The following ULK4 variants were observed in gnomAD, a reference collection of about 807,000 sequenced individuals.
The protein encoded by ULK4 is inactive serine/threonine-protein kinase ULK4.
Under a neutral mutation model 160.6 loss-of-function variants are expected in ULK4, and 133 were observed. The observed-to-expected ratio is 0.83, with a 90% CI of 0.72 to 0.96. ULK4 has a LOEUF of 0.96. Ranked by LOEUF, ULK4 falls within the 40% of genes least tolerant of loss-of-function variation. ULK4 has a pLI of 0.00. For missense variants in ULK4, 1,580 were observed against 1,499.5 expected (o/e 1.05, Z -0.89); for synonymous variants, 534 against 539.8 (o/e 0.99, Z 0.15).
chr3:41,908,673 C>T (rs13076820), intron 11 of ULK4, among the ~76,000 whole-genome samples: 123,671 of 151,954 alleles, frequency 0.81, 54,666 homozygotes, highest in Non-Finnish European at 0.98. Flanking sequence ...CTGGAACTCC[C>T]GACCTCATGA....
chr3:41,878,692 AAAAAG>A (rs956943147), intron 17 of ULK4, among the ~76,000 whole-genome samples: 1 of 151,422 alleles, frequency 6.6e-6, no homozygotes, highest in African/African-American at 2.4e-5. Flanking sequence ...AAAAAAAAAA[AAAAAG>A]AGTGAGGAGT....
At chr3:41,826,268 A>C (rs2041348258) in intron 18 of ULK4, among the ~76,000 whole-genome samples, 1 of 152,152 alleles carries the variant, frequency 6.6e-6, no homozygotes, top group Non-Finnish European at 1.5e-5. Flanking sequence ...CAAAATAACC[A>C]GCTAACATCA....
intron 3 of ULK4, among the ~76,000 whole-genome samples, chr3:41,936,445 A>C (rs1472330698): frequency 2.0e-5 from 3 of 152,214 alleles, no homozygotes; most frequent in Non-Finnish European, 4.4e-5. Context: ...ATATTCTTCC[A>C]AGGTCCCAGT....
chr3:41,365,661 T>C (rs924067136), intron 35 of ULK4, among the ~76,000 whole-genome samples: 1 of 152,198 alleles, frequency 6.6e-6, no homozygotes, highest in Non-Finnish European at 1.5e-5. Flanking sequence ...GATAGGTTAC[T>C]TGCCCAATTA....
chr3:41,651,015 T>C (rs1393789485), intron 30 of ULK4, among the ~76,000 whole-genome samples: 1 of 152,174 alleles, frequency 6.6e-6, no homozygotes, highest in African/African-American at 2.4e-5. Context: ...GCAGCAGAAC[T>C]CCTTTAGAGT....
intron 34 of ULK4, among the ~76,000 whole-genome samples, chr3:41,453,697 C>T (rs1049591347): frequency 1.3e-5 from 2 of 152,068 alleles, no homozygotes; most frequent in African/African-American, 4.8e-5. Flanking sequence ...GAGCCCATGC[C>T]CATGAACTCT....
chr3:41,430,292 G>A (rs1436797848), intron 34 of ULK4, among the ~76,000 whole-genome samples: 1 of 152,128 alleles, frequency 6.6e-6, no homozygotes, highest in Non-Finnish European at 1.5e-5. Flanking sequence ...TTATTATCTA[G>A]GCATTTAGCA....
chr3:41,313,244 A>C (rs1453831353), intron 35 of ULK4, among the ~76,000 whole-genome samples: 1 of 152,206 alleles, frequency 6.6e-6, no homozygotes, highest in Non-Finnish European at 1.5e-5. Context: ...AACCTCTATA[A>C]TGCTTTGGTT....
chr3:41,420,471 C>CTTTCT (rs1435935930), intron 34 of ULK4, among the ~76,000 whole-genome samples: 1 of 63,248 alleles, frequency 1.6e-5, no homozygotes, highest in African/African-American at 6.5e-5. Context: ...TTTTCCAGTT[C>CTTTCT]TTTCTTTTTT....
chr3:41,692,956 T>C (rs1354453562), intron 27 of ULK4, among the ~76,000 whole-genome samples: 2 of 152,226 alleles, frequency 1.3e-5, no homozygotes, highest in Admixed American at 6.5e-5. Flanking sequence ...ATGAAATCAA[T>C]GTCTGTGACT....
intron 12 of ULK4, among the ~76,000 whole-genome samples, chr3:41,905,301 C>CG (rs1421440869): frequency 6.6e-5 from 10 of 151,632 alleles, no homozygotes; most frequent in Non-Finnish European, 1.2e-4. Flanking sequence ...AGCTATACCC[C>CG]CTACTTCATG....
At chr3:41,899,729 T>C (rs1698284493) in intron 13 of ULK4, among the ~76,000 whole-genome samples, 1 of 152,148 alleles carries the variant, frequency 6.6e-6, no homozygotes, top group Admixed American at 6.5e-5. Context: ...CTGGTAAAGA[T>C]AACACAAATT....
intron 33 of ULK4, among the ~76,000 whole-genome samples, chr3:41,461,390 T>C (rs2083680784): frequency 6.6e-6 from 1 of 152,192 alleles, no homozygotes; most frequent in Admixed American, 6.5e-5. Flanking sequence ...AAGGCAGATA[T>C]GTCTTTGATT....
At chr3:41,381,508 TC>T (rs1223818109) in intron 35 of ULK4, among the ~76,000 whole-genome samples, 1 of 152,210 alleles carries the variant, frequency 6.6e-6, no homozygotes, top group East Asian at 1.9e-4. Context: ...AATCAGCTCC[TC>T]CTACAGTTTT....
At chr3:41,554,175 G>C (rs2087195789) in intron 32 of ULK4, among the ~76,000 whole-genome samples, 1 of 152,054 alleles carries the variant, frequency 6.6e-6, no homozygotes, top group Non-Finnish European at 1.5e-5. Context: ...CCACTACTGG[G>C]TATTTATCCA....
chr3:41,609,493 G>A (rs1575479943), intron 31 of ULK4, among the ~76,000 whole-genome samples: 1 of 152,018 alleles, frequency 6.6e-6, no homozygotes, highest in Non-Finnish European at 1.5e-5. Flanking sequence ...TTTAATGGTG[G>A]TATATGTTAG....
In ULK4 at chr3:41,901,479, CTT is replaced by C. The variant is rs566805860; in HGVS notation, c.1183-652_1183-651del. On this transcript the variant is annotated intron_variant, in intron 12 of 36. Transcript: ENST00000301831. ...ACAGGCGTGAGCCACCACGCCCAGC[CTT>C]TTTTTTTTTTTTTTTTTGAGATAGA... 2.7e-4 allele frequency among the ~76,000 whole-genome samples: 6 copies of C among 22,546 alleles called. 1 individual carries two copies. The highest frequency in any genetic ancestry group is 1.0e-3 in the Admixed American group (1 of 986). The allele number at this position is 22,546 out of a possible 152,430, so 14.8% of individuals were successfully genotyped here. A position where few individuals can be genotyped will look rare whatever the true frequency, so the allele number is the denominator to read the frequency against.
At chr3:41,879,171 T>C (rs1458988800) in intron 17 of ULK4, among the ~76,000 whole-genome samples, 1 of 152,156 alleles carries the variant, frequency 6.6e-6, no homozygotes, top group Non-Finnish European at 1.5e-5. Context: ...ATGACATGTA[T>C]GAAACCACCA....
rs141489140 is a variant in ULK4, at chr3:41,547,156, T to A, written c.3226+18869A>T. ...TCATGAAAATTGAACACAGAGTAGG[T>A]TCAAGGTAACATCAATAAATTTTAA... On this transcript the variant is annotated intron_variant, in intron 32 of 36. Coordinates refer to ENST00000301831, the MANE Select transcript of ULK4 (RefSeq NM_017886.4). 2.6e-5 allele frequency among the ~76,000 whole-genome samples: 4 copies of A among 152,130 alleles called. No homozygotes were observed. In the East Asian group the frequency reaches 7.7e-4, roughly 29 times the overall value.
Sources: gnomAD v4.1 joint callset for allele counts (sites outside exome capture counted in the v4.1 genomes callset) on GRCh38, gnomAD v4.1.1 for gene constraint, MANE v1.5 for transcripts, NCBI Gene and HGNC (gene_info 2026-07-23, HGNC 2026-07-21) for gene names.